The following WDFY2 variants were observed in gnomAD, a reference collection of about 807,000 sequenced individuals.
WDFY2 encodes the protein WD repeat and FYVE domain-containing protein 2.
In WDFY2, 36 loss-of-function variants were observed where a neutral mutation model predicts 56.4. That is an observed-to-expected ratio of 0.64 (90% CI 0.49 to 0.84). The LOEUF (loss-of-function observed/expected upper bound fraction) is 0.84. WDFY2 is among the 40% of genes least tolerant of loss of function. WDFY2 has a pLI of 0.00. For missense variants in WDFY2, 444 were observed against 512.2 expected (o/e 0.87, Z 1.29); for synonymous variants, 176 against 183.7 (o/e 0.96, Z 0.34).
chr13:51,710,625 G>A (rs1157232819), intron 4 of WDFY2, among the ~76,000 whole-genome samples: 2 of 152,158 alleles, frequency 1.3e-5, no homozygotes, highest in Non-Finnish European at 2.9e-5. Context: ...AAAATCACAA[G>A]CATTCCTATA....
At chr13:51,594,909 T>A (rs775447935) in intron 1 of WDFY2, among the ~76,000 whole-genome samples, 7 of 152,236 alleles carry the variant, frequency 4.6e-5, no homozygotes, top group Non-Finnish European at 1.0e-4. Flanking sequence ...AGGTAAGCTT[T>A]TTCTGTTGCC....
intron 3 of WDFY2, among the ~76,000 whole-genome samples, chr13:51,692,732 T>C (rs1030884194): frequency 6.6e-6 from 1 of 152,228 alleles, no homozygotes; most frequent in Non-Finnish European, 1.5e-5. Context: ...GAGGATTCCC[T>C]CTTTTTCTAT....
At position 51,696,398 on chromosome 13, in the gene WDFY2, A is replaced by G. The variant is rs151011726; in HGVS notation, c.280-7198A>G. 1.3e-4 allele frequency among the ~76,000 whole-genome samples: 20 copies of G among 152,296 alleles called. No individual in the cohort carries two copies. The East Asian group carries it at 2.3e-3, about 18-fold the overall frequency. ...AGATTATTTATGTTCATCTAGCTAC[A>G]TTTTTCTTTAAGAAAAGAATTTAGG... On this transcript the variant is annotated intron_variant, in intron 3 of 11. Transcript: ENST00000298125.
chr13:51,639,559 T>G (rs1336658889), intron 1 of WDFY2, among the ~76,000 whole-genome samples: 3 of 151,068 alleles, frequency 2.0e-5, no homozygotes, highest in Non-Finnish European at 4.4e-5. Flanking sequence ...CTACAAAACA[T>G]ATCAGATTTA....
At chr13:51,623,228 A>C (rs1167857506) in intron 1 of WDFY2, among the ~76,000 whole-genome samples, 3 of 152,178 alleles carry the variant, frequency 2.0e-5, no homozygotes, top group African/African-American at 7.2e-5. Context: ...TTTCTAAAAA[A>C]AAAAATGAAG....
At chr13:51,656,058 T>G (rs1466502814) in intron 1 of WDFY2, among the ~76,000 whole-genome samples, 1 of 151,748 alleles carries the variant, frequency 6.6e-6, no homozygotes, top group African/African-American at 2.4e-5. Flanking sequence ...TTTCCCTTTT[T>G]TTTTTTTTTT....
chr13:51,663,121 A>G (rs1331174596), intron 2 of WDFY2, among the ~76,000 whole-genome samples: 1 of 152,160 alleles, frequency 6.6e-6, no homozygotes, highest in East Asian at 1.9e-4. Context: ...ATATAGCAAG[A>G]TGCCACCTCT....
intron 1 of WDFY2, among the ~76,000 whole-genome samples, chr13:51,611,804 A>G (rs913564421): frequency 4.6e-5 from 7 of 152,140 alleles, no homozygotes; most frequent in African/African-American, 1.7e-4. Flanking sequence ...GGAAGGAGAT[A>G]CCTCTGGGAA....
At chr13:51,713,888 C>T (rs2138613856) in intron 4 of WDFY2, among the ~76,000 whole-genome samples, 1 of 151,360 alleles carries the variant, frequency 6.6e-6, no homozygotes, top group African/African-American at 2.4e-5. Context: ...GAAGGATTCC[C>T]CTTATATATG....
intron 1 of WDFY2, among the ~76,000 whole-genome samples, chr13:51,651,125 T>C (rs913598583): frequency 2.6e-5 from 4 of 152,244 alleles, no homozygotes; most frequent in Non-Finnish European, 4.4e-5. Flanking sequence ...ATTCAACTTC[T>C]TCCTGGTTTA....
chr13:51,732,427 A>G (rs970774050), intron 6 of WDFY2, among the ~76,000 whole-genome samples: 8 of 152,192 alleles, frequency 5.3e-5, no homozygotes, highest in African/African-American at 7.2e-5. Context: ...GCCAAAAATC[A>G]TATTTTGACC....
intron 3 of WDFY2, among the ~76,000 whole-genome samples, chr13:51,675,970 T>C (rs576257454): frequency 2.0e-5 from 3 of 152,328 alleles, no homozygotes; most frequent in African/African-American, 7.2e-5. Context: ...CAGCGTTGCC[T>C]TTAGTCCTGG....
chr13:51,631,146 C>T (rs1414067897), intron 1 of WDFY2, among the ~76,000 whole-genome samples: 3 of 149,198 alleles, frequency 2.0e-5, no homozygotes, highest in Non-Finnish European at 4.5e-5. Context: ...AATCCCAGCA[C>T]TTTGGGAGGC....
intron 1 of WDFY2, among the ~76,000 whole-genome samples, chr13:51,626,782 G>C (rs530736992): frequency 6.6e-6 from 1 of 152,354 alleles, no homozygotes; most frequent in East Asian, 1.9e-4. Context: ...GAAGTCACGG[G>C]ATCCTTGGGG....
At chr13:51,657,010 C>G (rs1337548663) in intron 1 of WDFY2, among the ~76,000 whole-genome samples, 1 of 151,972 alleles carries the variant, frequency 6.6e-6, no homozygotes, top group Non-Finnish European at 1.5e-5. Context: ...TGCCATTTCA[C>G]TATTTATTTT....
chr13:51,621,196 A>AT (rs2138356963), intron 1 of WDFY2, among the ~76,000 whole-genome samples: 1 of 152,298 alleles, frequency 6.6e-6, no homozygotes, highest in African/African-American at 2.4e-5. Flanking sequence ...CAGAACAAGT[A>AT]TATTAATAGC....
At chr13:51,615,642 C>T (rs1954596798) in intron 1 of WDFY2, among the ~76,000 whole-genome samples, 1 of 152,058 alleles carries the variant, frequency 6.6e-6, no homozygotes, top group Admixed American at 6.5e-5. Flanking sequence ...CTGAAATGTC[C>T]ATCAGTAGGG....
intron 7 of WDFY2, 109 bp downstream of exon 7, chr13:51,739,284 C>T (rs1952911859): frequency 7.6e-7 from 1 of 1,310,032 alleles, no homozygotes; most frequent in African/African-American, 1.5e-5. Context: ...TGGGAAGGAA[C>T]ATGGCGGGAA....
At position 51,743,881 on chromosome 13, in the gene WDFY2, G is replaced by A. The variant is rs549394559; in HGVS notation, c.725+4706G>A. Among the ~76,000 whole-genome samples, 3 of 152,332 alleles carry A rather than the reference G, an allele frequency of 2.0e-5. No individual in the cohort carries two copies. In the East Asian group the frequency reaches 5.8e-4, roughly 29 times the overall value. On this transcript the variant is annotated intron_variant, in intron 7 of 11. Transcript: ENST00000298125. ...TAGGAGGTTACCCAGAACAGAGAAT[G>A]GCATGAACTAAAATACAGTGGGTTT...
Sources: gnomAD v4.1 joint callset for allele counts (sites outside exome capture counted in the v4.1 genomes callset) on GRCh38, gnomAD v4.1.1 for gene constraint, MANE v1.5 for transcripts, NCBI Gene and HGNC (gene_info 2026-07-23, HGNC 2026-07-21) for gene names.